The following CERKL variants were observed in gnomAD, a reference collection of about 807,000 sequenced individuals.
CERKL encodes CERK like autophagy regulator.
Under a neutral mutation model 63.4 loss-of-function variants are expected in CERKL, and 61 were observed. The ratio of observed to expected loss-of-function variants is 0.96; its 90% CI spans 0.78 to 1.19. The LOEUF (loss-of-function observed/expected upper bound fraction) is 1.19. CERKL is among the 50% of genes most tolerant of loss of function. The pLI is 0.00. For missense variants in CERKL, 675 were observed against 655.5 expected (o/e 1.03, Z -0.33); for synonymous variants, 250 against 230.5 (o/e 1.08, Z -0.77).
chr2:181,552,263 T>C (rs1688018875), intron 5 of CERKL, among the ~76,000 whole-genome samples: 1 of 152,188 alleles, frequency 6.6e-6, no homozygotes, highest in Admixed American at 6.5e-5. Flanking sequence ...TTAGGCTTTG[T>C]GTCCCTACCG....
At position 181,547,697 on chromosome 2, in the gene CERKL, C is replaced by T; in HGVS notation, c.1189G>A (p.Gly397Ser). The T allele has an allele frequency of 6.2e-7, 1 of 1,613,946 alleles. No individual in the cohort carries two copies. Among genetic ancestry groups the T allele is most frequent in the Non-Finnish European group, 8.5e-7 (1 of 1,179,938 alleles). The change falls in exon 10 of 13, where the codon GGT becomes AGT. Residue 397 changes from glycine (G) to serine (S), a missense_variant. Gly to Ser is a moderately conservative substitution (Grantham distance 56). Coordinates refer to ENST00000410087, the MANE Select transcript of CERKL (RefSeq NM_201548.5). ...ATAATGCTGACATTCAAGAACTGAC[C>T]CTGGATCATTTGCCATTGATCATTA... ...DCNDQWQMIQ[G>S]QFLNVSIMAI...
intron 1 of CERKL, among the ~76,000 whole-genome samples, chr2:181,638,024 G>A (rs937172954): frequency 6.6e-6 from 1 of 152,114 alleles, no homozygotes; most frequent in Admixed American, 6.5e-5. Flanking sequence ...TAAAGCAAAT[G>A]AGTAATGATG....
intron 2 of CERKL, among the ~76,000 whole-genome samples, chr2:181,585,644 T>G (rs950476048): frequency 6.6e-6 from 1 of 152,224 alleles, no homozygotes; most frequent in Non-Finnish European, 1.5e-5. Context: ...TCAGTCTCTA[T>G]CTCATGTCTA....
At chr2:181,575,347 G>A (rs188747780) in intron 2 of CERKL, among the ~76,000 whole-genome samples, 62 of 152,260 alleles carry the variant, frequency 4.1e-4, no homozygotes, top group Middle Eastern at 3.4e-3. Context: ...TCTGTTACAC[G>A]CGTTAAAGAA....
chr2:181,614,083 G>A (rs139637289), intron 1 of CERKL, among the ~76,000 whole-genome samples: 81 of 151,860 alleles, frequency 5.3e-4, no homozygotes, highest in African/African-American at 1.9e-3. Flanking sequence ...TATTGTTACC[G>A]AAGTTCTTAT....
chr2:181,641,259 A>T (rs1469304891), intron 1 of CERKL, among the ~76,000 whole-genome samples: 2 of 148,672 alleles, frequency 1.3e-5, no homozygotes, highest in African/African-American at 5.0e-5. Context: ...TGTACACACA[A>T]AATATGTTAA....
In CERKL at chr2:181,604,396, A is replaced by T. The variant is rs368841199; in HGVS notation, c.239-317T>A. 1.4e-4 allele frequency among the ~76,000 whole-genome samples: 22 copies of T among 152,356 alleles called. No individual in the cohort carries two copies. The East Asian group carries it at 1.5e-3, about 11-fold the overall frequency. The stretch of plus-strand genomic sequence containing the variant: ...ATAATAGTTAAAACCAAAAAAATTC[A>T]TCATTTGTAATTTTATGGATTGCCC... On this transcript the variant is annotated intron_variant, in intron 1 of 12. Transcript: ENST00000410087.
chr2:181,552,310 C>A (rs532223639), intron 5 of CERKL, among the ~76,000 whole-genome samples: 22 of 152,146 alleles, frequency 1.4e-4, no homozygotes, highest in Non-Finnish European at 2.5e-4. Context: ...ATAATCCCCA[C>A]ATGTCAAGGG....
intron 1 of CERKL, among the ~76,000 whole-genome samples, chr2:181,644,825 A>T (rs1011261757): frequency 1.3e-5 from 2 of 151,842 alleles, no homozygotes; most frequent in Non-Finnish European, 2.9e-5. Flanking sequence ...TCATTCAAAT[A>T]AAAAAAAGCA....
intron 4 of CERKL, among the ~76,000 whole-genome samples, chr2:181,562,343 T>C (rs1018574429): frequency 1.3e-5 from 2 of 152,158 alleles, no homozygotes; most frequent in Non-Finnish European, 2.9e-5. Context: ...ATCCCCAAAA[T>C]GTATAAAACC....
At chr2:181,597,399 C>T (rs1025289359) in intron 2 of CERKL, among the ~76,000 whole-genome samples, 9 of 152,208 alleles carry the variant, frequency 5.9e-5, no homozygotes, top group African/African-American at 2.2e-4. Context: ...TGACCACAGA[C>T]CTTGGATGCC....
intron 1 of CERKL, among the ~76,000 whole-genome samples, chr2:181,640,673 C>T (rs1366047683): frequency 6.6e-6 from 1 of 152,218 alleles, no homozygotes; most frequent in African/African-American, 2.4e-5. Context: ...GCAATAGCAT[C>T]TTCCTGCATA....
chr2:181,548,127 C>T, intron 8 of CERKL: 1 of 566,724 alleles, frequency 1.8e-6, no homozygotes, highest in Non-Finnish European at 3.1e-6. Flanking sequence ...ATTTGTATTA[C>T]ACACTAGACC....
At position 181,549,706 on chromosome 2, in the gene CERKL, A is replaced by T. The variant is rs1559072740; in HGVS notation, c.823T>A (p.Ser275Thr). ...AGAGAATGTGCCAATACATTGGTAG[A>T]TCCTGCCAAAGCAATTTTAAAACAT... ...QLPLGLIPAG[S>T]TNVLAHSLHG... The change falls in exon 6 of 13, where the codon TCT becomes ACT. Residue 275 changes from serine to threonine, a missense_variant and splice_region_variant. Physicochemically the swap from Ser to Thr is moderately conservative, Grantham distance 58. Transcript: ENST00000410087. 2 of 1,609,396 alleles carry T rather than the reference A, an allele frequency of 1.2e-6. No individual in the cohort carries two copies.
chr2:181,612,656 T>G (rs371219183), intron 1 of CERKL, among the ~76,000 whole-genome samples: 1 of 152,120 alleles, frequency 6.6e-6, no homozygotes, highest in Non-Finnish European at 1.5e-5. Context: ...AAAAAACTAA[T>G]GTATGACTCT....
chr2:181,574,233 A>G (rs1020654043), intron 2 of CERKL, among the ~76,000 whole-genome samples: 19 of 152,182 alleles, frequency 1.2e-4, no homozygotes, highest in African/African-American at 4.6e-4. Flanking sequence ...TGTTTCTGGA[A>G]AAAAAGCAAT....
In CERKL at chr2:181,549,657, G is replaced by C. The variant is rs1264403798; in HGVS notation, c.872C>G (p.Thr291Ser). 4 of 1,611,874 alleles carry C rather than the reference G, an allele frequency of 2.5e-6. No individual in the cohort carries two copies. In the Middle Eastern group the frequency reaches 5.0e-4, roughly 200 times the overall value. The part of the protein sequence containing the change: ...HSLHGVPHVI[T>S]ATLHIIMGHV... ...ACCCATTATAATGTGCAATGTTGCAGTTATCACATGAGGAACTCCATGAAG... is the reference window on the plus strand; with the variant it reads ...ACCCATTATAATGTGCAATGTTGCACTTATCACATGAGGAACTCCATGAAG... Residue 291 changes from threonine to serine, a missense_variant, in exon 6 of 13, where the codon ACT (threonine) becomes AGT (serine). Transcript: ENST00000410087.
intron 2 of CERKL, among the ~76,000 whole-genome samples, chr2:181,592,590 C>A (rs1254776628): frequency 6.6e-6 from 1 of 152,128 alleles, no homozygotes; most frequent in Non-Finnish European, 1.5e-5. Context: ...ATATGCTTCA[C>A]TGGATTTAAA....
intron 2 of CERKL, among the ~76,000 whole-genome samples, chr2:181,579,378 C>A (rs888837456): frequency 2.0e-5 from 3 of 151,920 alleles, no homozygotes; most frequent in Non-Finnish European, 2.9e-5. Flanking sequence ...ATTTCCATTT[C>A]TCTTTTCATG....
Sources: gnomAD v4.1 joint callset for allele counts (sites outside exome capture counted in the v4.1 genomes callset) on GRCh38, gnomAD v4.1.1 for gene constraint, MANE v1.5 for transcripts, NCBI Gene and HGNC (gene_info 2026-07-23, HGNC 2026-07-21) for gene names.